NEGR1: variants seen among roughly 807,000 people sequenced by gnomAD.
NEGR1 encodes IgLON family member 4.
NEGR1 carries 10 observed loss-of-function variants against 40.9 expected under a neutral mutation model. The ratio of observed to expected loss-of-function variants is 0.24; its 90% confidence interval spans 0.15 to 0.42. The LOEUF is 0.42. NEGR1 is among the 10% of genes least tolerant of loss of function. The pLI is 1.00. For missense variants in NEGR1, 352 were observed against 438.9 expected (o/e 0.80, Z 1.77); for synonymous variants, 185 against 166.8 (o/e 1.11, Z -0.84).
chr1:71,619,035 T>G (rs781009998), intron 4 of NEGR1, among the ~76,000 whole-genome samples: 6 of 152,174 alleles, frequency 3.9e-5, no homozygotes, highest in Admixed American at 6.6e-5. Context: ...TATAATGTAC[T>G]CACAGATTTC....
intron 3 of NEGR1, among the ~76,000 whole-genome samples, chr1:71,740,788 T>G (rs1023564679): frequency 3.9e-5 from 6 of 152,124 alleles, no homozygotes; most frequent in Admixed American, 3.9e-4. Context: ...CAATACTGAT[T>G]AGTCTACTTT....
intron 1 of NEGR1, among the ~76,000 whole-genome samples, chr1:72,236,291 G>A (rs1654542314): frequency 6.6e-6 from 1 of 152,022 alleles, no homozygotes; most frequent in South Asian, 2.1e-4. Flanking sequence ...GAGGGGTGGG[G>A]AGATAGAGGA....
At chr1:71,580,916 G>A (rs1467590178) in intron 6 of NEGR1, among the ~76,000 whole-genome samples, 1 of 152,048 alleles carries the variant, frequency 6.6e-6, no homozygotes, top group African/African-American at 2.4e-5. Flanking sequence ...GCTTATACTA[G>A]CTTTTAAGGC....
chr1:71,903,375 T>C (rs1399742758), intron 2 of NEGR1, among the ~76,000 whole-genome samples: 4 of 152,034 alleles, frequency 2.6e-5, no homozygotes, highest in Non-Finnish European at 5.9e-5. Flanking sequence ...AAGGCAGAAA[T>C]TTTACTTTCA....
At position 72,012,915 on chromosome 1, in the gene NEGR1, C is replaced by T. The variant is rs1227111694; in HGVS notation, c.177-77604G>A. Among the ~76,000 whole-genome samples the T allele has an allele frequency of 6.9e-5, 10 of 144,690 alleles. No individual in the cohort carries two copies. In the East Asian group the frequency reaches 1.8e-3, roughly 27 times the overall value. 94.9% of individuals were successfully genotyped at this position (144,690 alleles called of 152,430 possible). A position where few individuals can be genotyped will look rare whatever the true frequency, so the allele number is the denominator to read the frequency against. On this transcript the variant is annotated intron_variant, in intron 1 of 6. Transcript: ENST00000357731. ...TAGAGCAAGATACTAGTTGTAGGGG[C>T]TAGAAAAAACTTTCCCTTTAGCTTC... is the stretch of plus-strand genomic sequence containing the variant.
At chr1:71,456,304 C>T (rs1350219787) in intron 6 of NEGR1, among the ~76,000 whole-genome samples, 1 of 152,074 alleles carries the variant, frequency 6.6e-6, no homozygotes, top group Non-Finnish European at 1.5e-5. Context: ...GATGGGGTAT[C>T]ACTGTATTGA....
intron 1 of NEGR1, among the ~76,000 whole-genome samples, chr1:72,233,198 GAAC>G (rs1170605844): frequency 6.6e-6 from 1 of 152,126 alleles, no homozygotes; most frequent in East Asian, 1.9e-4. Context: ...TTCCTGTTAA[GAAC>G]AATACATAAA....
chr1:72,133,245 C>A (rs1650324439), intron 1 of NEGR1, among the ~76,000 whole-genome samples: 2 of 151,980 alleles, frequency 1.3e-5, no homozygotes, highest in African/African-American at 4.8e-5. Context: ...GTTCCTACAA[C>A]CTAATTTGTT....
chr1:72,133,606 T>A (rs1650337823), intron 1 of NEGR1, among the ~76,000 whole-genome samples: 1 of 151,916 alleles, frequency 6.6e-6, no homozygotes, highest in Non-Finnish European at 1.5e-5. Context: ...TTCCCTCATA[T>A]TTGAACTAAA....
At chr1:72,006,497 T>A (rs1646608147) in intron 1 of NEGR1, among the ~76,000 whole-genome samples, 1 of 152,160 alleles carries the variant, frequency 6.6e-6, no homozygotes, top group Non-Finnish European at 1.5e-5. Flanking sequence ...CATTTTCTCA[T>A]GGTCAATACA....
chr1:72,043,676 A>C (rs563586108), intron 1 of NEGR1, among the ~76,000 whole-genome samples: 1 of 152,060 alleles, frequency 6.6e-6, no homozygotes, highest in African/African-American at 2.4e-5. Context: ...CATATGTCTG[A>C]AATCACATGC....
At chr1:71,772,198 T>C (rs1246785404) in intron 3 of NEGR1, among the ~76,000 whole-genome samples, 3 of 151,884 alleles carry the variant, frequency 2.0e-5, no homozygotes, top group African/African-American at 7.3e-5. Flanking sequence ...AGGAGAAATA[T>C]TCTATTTAAA....
At chr1:71,706,071 A>C (rs1367607542) in intron 3 of NEGR1, among the ~76,000 whole-genome samples, 1 of 152,214 alleles carries the variant, frequency 6.6e-6, no homozygotes, top group Non-Finnish European at 1.5e-5. Flanking sequence ...AGAAGTACTG[A>C]AGAGATTTTT....
chr1:71,928,161 CGT>C (rs1221813258), intron 2 of NEGR1, among the ~76,000 whole-genome samples: 5 of 904 alleles, frequency 5.5e-3, no homozygotes, highest in Non-Finnish European at 8.5e-3. Context: ...TATGTATATA[CGT>C]ATATATGTAT....
chr1:72,055,897 C>G (rs1044645650), intron 1 of NEGR1, among the ~76,000 whole-genome samples: 4 of 149,860 alleles, frequency 2.7e-5, no homozygotes, highest in South Asian at 4.2e-4. Context: ...AATCTGGCTT[C>G]TAGATACTAG....
At chr1:71,880,309 G>T (rs1261987224) in intron 2 of NEGR1, among the ~76,000 whole-genome samples, 2 of 151,780 alleles carry the variant, frequency 1.3e-5, no homozygotes, top group Non-Finnish European at 2.9e-5. Context: ...GAAGCATGGT[G>T]GCATCATAAA....
intron 1 of NEGR1, among the ~76,000 whole-genome samples, chr1:72,237,806 C>T (rs190437596): frequency 6.6e-6 from 1 of 152,026 alleles, no homozygotes; most frequent in Non-Finnish European, 1.5e-5. Context: ...ACTGTGCTCT[C>T]ATTTTAGTTT....
At chr1:71,491,191 A>G (rs558640390) in intron 6 of NEGR1, among the ~76,000 whole-genome samples, 1 of 152,212 alleles carries the variant, frequency 6.6e-6, no homozygotes, top group South Asian at 2.1e-4. Flanking sequence ...ACAACTATTT[A>G]TATGGCATTT....
chr1:72,067,434 ACAGTATACC>A (rs1190596174), intron 1 of NEGR1, among the ~76,000 whole-genome samples: 1 of 152,168 alleles, frequency 6.6e-6, no homozygotes, highest in Admixed American at 6.6e-5. Context: ...GCATATTCTA[ACAGTATACC>A]CATTTTTAAC....
Sources: gnomAD v4.1 joint callset for allele counts (sites outside exome capture counted in the v4.1 genomes callset) on GRCh38, gnomAD v4.1.1 for gene constraint, MANE v1.5 for transcripts, NCBI Gene and HGNC (gene_info 2026-07-23, HGNC 2026-07-21) for gene names.